The following FAM168A variants were observed in gnomAD, a reference collection of about 807,000 sequenced individuals.
FAM168A encodes family with sequence similarity 168 member A.
A neutral mutation model predicts 28.5 loss-of-function variants in FAM168A; 3 were observed. The observed-to-expected ratio is 0.11, with a 90% CI of 0.05 to 0.27. The LOEUF is 0.27. Ranked by LOEUF, FAM168A falls within the 10% of genes least tolerant of loss-of-function variation. The probability of loss-of-function intolerance (pLI) is 1.00; values close to 1 mark genes in which losing one functional copy is unlikely to be tolerated. For missense variants in FAM168A, 222 were observed against 311.5 expected, an observed-to-expected ratio of 0.71 and a Z score of 2.16; for synonymous variants, 122 against 124.2, an observed-to-expected ratio of 0.98 and a Z score of 0.12.
intron 4 of FAM168A, among the ~76,000 whole-genome samples, chr11:73,413,850 G>A (rs76013146): frequency 0.012 from 1,758 of 152,300 alleles, 37 homozygotes; most frequent in African/African-American, 0.04. Context: ...AGAAGCACTT[G>A]AGACCAGGAG....
chr11:73,438,655 G>A (rs1158394903), intron 2 of FAM168A, among the ~76,000 whole-genome samples: 1 of 152,146 alleles, frequency 6.6e-6, no homozygotes, highest in Non-Finnish European at 1.5e-5. Context: ...TTAAACTGGG[G>A]GGTTTCATAT....
intron 5 of FAM168A, among the ~76,000 whole-genome samples, chr11:73,409,938 T>G (rs1866578779): frequency 6.6e-6 from 1 of 152,172 alleles, no homozygotes; most frequent in Admixed American, 6.5e-5. Flanking sequence ...ATGTTTTATC[T>G]TACTGCAATG....
chr11:73,456,582 T>C (rs931403309), intron 2 of FAM168A, among the ~76,000 whole-genome samples: 1 of 152,270 alleles, frequency 6.6e-6, no homozygotes, highest in African/African-American at 2.4e-5. Flanking sequence ...CTTTCTTTTA[T>C]GCAATGCTAA....
At chr11:73,533,768 T>C (rs1943543514) in intron 1 of FAM168A, among the ~76,000 whole-genome samples, 2 of 152,320 alleles carry the variant, frequency 1.3e-5, no homozygotes, top group South Asian at 4.1e-4. Flanking sequence ...GTTCTGACTA[T>C]TCTGAAGAGG....
chr11:73,462,894 AGAGAAGAGAAGAGAGGAGAG>A (rs1022852723), intron 2 of FAM168A, among the ~76,000 whole-genome samples: 1 of 150,980 alleles, frequency 6.6e-6, no homozygotes, highest in Non-Finnish European at 1.5e-5. Context: ...GGAGAGGAGA[AGAGAAGAGAAGAGAGGAGAG>A]GAGAAGAGAA....
At chr11:73,529,125 T>C (rs1441533232) in intron 1 of FAM168A, among the ~76,000 whole-genome samples, 1 of 152,248 alleles carries the variant, frequency 6.6e-6, no homozygotes. Flanking sequence ...AGCTTGCAAG[T>C]GCTGCTATTG....
At chr11:73,544,514 A>G (rs942257215) in intron 1 of FAM168A, among the ~76,000 whole-genome samples, 1 of 151,716 alleles carries the variant, frequency 6.6e-6, no homozygotes, top group African/African-American at 2.4e-5. Flanking sequence ...TAATAGCTAA[A>G]AGTGGGAACT....
At chr11:73,498,001 C>T (rs1854927143) in intron 1 of FAM168A, among the ~76,000 whole-genome samples, 1 of 152,022 alleles carries the variant, frequency 6.6e-6, no homozygotes, top group African/African-American at 2.4e-5. Flanking sequence ...TTACTACATG[C>T]CAGGCACTAC....
chr11:73,460,018 G>A (rs1038678238), intron 2 of FAM168A, among the ~76,000 whole-genome samples: 1 of 151,614 alleles, frequency 6.6e-6, no homozygotes, highest in African/African-American at 2.4e-5. Flanking sequence ...GTAACTGGGA[G>A]TACAGGCGCC....
At chr11:73,505,097 C>A (rs1456588407) in intron 1 of FAM168A, among the ~76,000 whole-genome samples, 1 of 151,722 alleles carries the variant, frequency 6.6e-6, no homozygotes, top group Non-Finnish European at 1.5e-5. Flanking sequence ...CAAACCTGCA[C>A]GTTCTGCACA....
intron 1 of FAM168A, among the ~76,000 whole-genome samples, chr11:73,527,123 G>A (rs1943457191): frequency 6.6e-6 from 1 of 151,722 alleles, no homozygotes. Context: ...TTAATCTTGT[G>A]TACTGACCAG....
intron 2 of FAM168A, among the ~76,000 whole-genome samples, chr11:73,464,296 C>T (rs2134569724): frequency 7.6e-6 from 1 of 132,144 alleles, no homozygotes; most frequent in East Asian, 2.2e-4. Flanking sequence ...GTGATCCTTA[C>T]AAAGTTTTAA....
chr11:73,549,862 C>T (rs963450234), intron 1 of FAM168A, among the ~76,000 whole-genome samples: 5 of 152,156 alleles, frequency 3.3e-5, no homozygotes, highest in African/African-American at 4.8e-5. Context: ...CACCCCAAAC[C>T]GAAGTTCCAC....
chr11:73,454,763 G>C (rs184187929), intron 2 of FAM168A, among the ~76,000 whole-genome samples: 4 of 152,292 alleles, frequency 2.6e-5, no homozygotes, highest in African/African-American at 4.8e-5. Context: ...CAGCTTGACA[G>C]CAAAACTTCG....
chr11:73,550,930 AC>A (rs1180737224), intron 1 of FAM168A, among the ~76,000 whole-genome samples: 2 of 152,034 alleles, frequency 1.3e-5, no homozygotes, highest in Admixed American at 1.3e-4. Flanking sequence ...ACATGGTGAA[AC>A]CCTGTCTCTA....
At chr11:73,420,456 A>G (rs1866772018) in intron 3 of FAM168A, among the ~76,000 whole-genome samples, 1 of 152,256 alleles carries the variant, frequency 6.6e-6, no homozygotes, top group African/African-American at 2.4e-5. Flanking sequence ...AGGCCCACAA[A>G]TAATGACCAC....
intron 1 of FAM168A, among the ~76,000 whole-genome samples, chr11:73,507,839 CT>C (rs1855144374): frequency 6.6e-6 from 1 of 152,020 alleles, no homozygotes; most frequent in Admixed American, 6.5e-5. Flanking sequence ...GAAGGGCCAA[CT>C]TTTCATAATC....
At chr11:73,433,114 G>A (rs941337477) in intron 2 of FAM168A, among the ~76,000 whole-genome samples, 70 of 119,878 alleles carry the variant, frequency 5.8e-4, no homozygotes, top group Non-Finnish European at 1.0e-3. Context: ...TTGTAGAGAC[G>A]GGGGTCTCAT....
At chr11:73,584,969 T>C (rs1238747219) in intron 1 of FAM168A, among the ~76,000 whole-genome samples, 2 of 150,446 alleles carry the variant, frequency 1.3e-5, no homozygotes, top group Non-Finnish European at 3.0e-5. Flanking sequence ...AGACTTCATC[T>C]CTACCAAAAA....
Sources: gnomAD v4.1 joint callset for allele counts (sites outside exome capture counted in the v4.1 genomes callset) on GRCh38, gnomAD v4.1.1 for gene constraint, MANE v1.5 for transcripts, NCBI Gene and HGNC (gene_info 2026-07-23, HGNC 2026-07-21) for gene names.